Variants in PRDM2 observed in about 807,000 individuals in gnomAD.
The protein encoded by PRDM2 is PR domain zinc finger protein 2.
A neutral mutation model predicts 130.0 loss-of-function variants in PRDM2; 30 were observed. The observed-to-expected ratio is 0.23, with a 90% CI of 0.17 to 0.31. PRDM2 has a LOEUF of 0.31. PRDM2 is among the 10% of genes least tolerant of loss of function. PRDM2 has a pLI of 1.00. For missense variants in PRDM2, 2,011 were observed against 2,108.4 expected (o/e 0.95, Z 0.90); for synonymous variants, 871 against 782.4 (o/e 1.11, Z -1.89).
intron 3 of PRDM2, among the ~76,000 whole-genome samples, chr1:13,732,023 C>A (rs910155287): frequency 2.6e-5 from 4 of 152,138 alleles, no homozygotes; most frequent in Admixed American, 1.3e-4. Flanking sequence ...CTTTACCCCC[C>A]ATTCTGTATA....
chr1:13,741,363 C>T (rs1255557913), intron 4 of PRDM2, among the ~76,000 whole-genome samples: 1 of 152,148 alleles, frequency 6.6e-6, no homozygotes, highest in Non-Finnish European at 1.5e-5. Context: ...TCTATTCCAT[C>T]ACCCCTTCAT....
chr1:13,823,571 C>T lies in PRDM2; in HGVS notation c.*436C>T, dbSNP rs183959353. On this transcript the variant is annotated 3_prime_UTR_variant, in exon 10 of 10. Transcript: ENST00000311066. Reference sequence around the variant, plus strand: ...GACCCAGGGGTCAGCCTTAGGAAGGCCTTCAGGAGGAGGCCGAGTTCCCCT... The same window carrying T: ...GACCCAGGGGTCAGCCTTAGGAAGGTCTTCAGGAGGAGGCCGAGTTCCCCT... 260 of 187,772 alleles carry T rather than the reference C, an allele frequency of 1.4e-3. No individual in the cohort carries two copies. Among genetic ancestry groups the T allele is most frequent in the Non-Finnish European group, 2.5e-3 (228 of 90,524 alleles). 11.6% of individuals were successfully genotyped at this position (187,772 alleles called of 1,614,324 possible). A position where few individuals can be genotyped will look rare whatever the true frequency, so the allele number is the denominator to read the frequency against.
intron 8 of PRDM2, chr1:13,786,476 G>A: frequency 6.2e-7 from 1 of 1,605,852 alleles, no homozygotes; most frequent in Non-Finnish European, 8.5e-7. Context: ...GTAAGGTTAT[G>A]TTCTGTTGTC....
At chr1:13,818,959 G>A (rs911888323) in intron 9 of PRDM2, among the ~76,000 whole-genome samples, 2 of 152,136 alleles carry the variant, frequency 1.3e-5, no homozygotes, top group African/African-American at 4.8e-5. Context: ...TTTTACAGAT[G>A]GAAAAATTGA....
At position 13,773,181 on chromosome 1, in the gene PRDM2, T is replaced by C; in HGVS notation, c.615T>C (p.Ser205=). 2 of 1,546,874 alleles carry C rather than the reference T, an allele frequency of 1.3e-6. No homozygotes were observed. The highest frequency in any genetic ancestry group is 1.7e-6 in the Non-Finnish European group (2 of 1,147,844). Residue 205 remains serine (S), a synonymous_variant, in exon 7 of 10, where the codon TCT becomes TCC. Coordinates refer to ENST00000311066, the MANE Select transcript of PRDM2 (RefSeq NM_001393986.1). The part of the protein sequence containing the change: ...PDFTSANMRD[S]AEGPKEDEEK... ...TCACCTCTGCAAATATGAGAGATTC[T>C]GCAGAAGGTAAGCTTGTGATATTGG...
At chr1:13,741,720 TTG>T (rs200384633) in intron 4 of PRDM2, among the ~76,000 whole-genome samples, 2,766 of 112,496 alleles carry the variant, frequency 0.025, 46 homozygotes, top group Non-Finnish European at 0.03. Context: ...CTCTTTAAGT[TTG>T]TGTGTGTGTG....
At chr1:13,815,681 T>C (rs1645245492) in intron 8 of PRDM2, among the ~76,000 whole-genome samples, 1 of 152,128 alleles carries the variant, frequency 6.6e-6, no homozygotes, top group Non-Finnish European at 1.5e-5. Context: ...ACTAATGGTG[T>C]GAGTTATCTA....
intron 2 of PRDM2, among the ~76,000 whole-genome samples, chr1:13,716,940 C>CT (rs57528158): frequency 0.16 from 24,118 of 151,636 alleles, 2,400 homozygotes; most frequent in Admixed American, 0.23. Flanking sequence ...CTTTAGACAC[C>CT]TTTTTTTTCA....
chr1:13,732,937 G>T, intron 4 of PRDM2, 55 bp downstream of exon 4: 1 of 1,188,876 alleles, frequency 8.4e-7, no homozygotes, highest in Admixed American at 2.4e-5. Flanking sequence ...TAATTATTCT[G>T]TTCTCTCAGA....
chr1:13,727,888 T>A lies in PRDM2; in HGVS notation c.10-3112T>A, dbSNP rs539871617. Among the ~76,000 whole-genome samples the A allele has an allele frequency of 1.2e-3, 177 of 152,340 alleles. 3 individuals are homozygous for A. The South Asian group carries it at 0.036, about 31-fold the overall frequency. On this transcript the variant is annotated intron_variant, in intron 2 of 9. Transcript: ENST00000311066. ...AGATATGATATTACATCTTATCCTGTCAGGATATGTACCAAGAAGAGATCC... is the reference window on the plus strand; with the variant it reads ...AGATATGATATTACATCTTATCCTGACAGGATATGTACCAAGAAGAGATCC...
intron 5 of PRDM2, among the ~76,000 whole-genome samples, chr1:13,745,682 A>G (rs1643581318): frequency 6.6e-6 from 1 of 152,180 alleles, no homozygotes. Context: ...TCGGCCTCCC[A>G]AAATGCTGGG....
At chr1:13,741,724 G>GTGTT (rs1643448822) in intron 4 of PRDM2, among the ~76,000 whole-genome samples, 1 of 94,488 alleles carries the variant, frequency 1.1e-5, no homozygotes, top group Non-Finnish European at 2.8e-5. Context: ...TTAAGTTTGT[G>GTGTT]TGTGTGTGTG....
Position 13,739,373 on chromosome 1 carries a change from C to T in PRDM2, c.232-2632C>T, listed in dbSNP as rs141150078. On this transcript the variant is annotated intron_variant, in intron 4 of 9. Transcript: ENST00000311066. ...TATAAATGCTTTATTCAATCATCAA[C>T]GTATTGTGAATGCCTTTATGCTGAT... 3.4e-3 allele frequency among the ~76,000 whole-genome samples: 524 copies of T among 152,220 alleles called. 1 individual carries two copies. Among genetic ancestry groups the T allele is most frequent in the Admixed American group, 7.3e-3 (111 of 15,292 alleles).
chr1:13,741,720 TTGTGTGTGTG>T (rs200384633), intron 4 of PRDM2, among the ~76,000 whole-genome samples: 44 of 112,594 alleles, frequency 3.9e-4, no homozygotes, highest in East Asian at 3.0e-3. Context: ...CTCTTTAAGT[TTGTGTGTGTG>T]TGTGTGTGTG....
Position 13,803,076 on chromosome 1 carries a change from C to T in PRDM2, c.5037-13351C>T, listed in dbSNP as rs1297636411. 6.6e-6 allele frequency among the ~76,000 whole-genome samples: 1 copy of T among 152,184 alleles called. No individual in the cohort carries two copies. Among genetic ancestry groups the T allele is most frequent in the Non-Finnish European group, 1.5e-5 (1 of 68,030 alleles). On this transcript the variant is annotated intron_variant, in intron 8 of 9. Transcript: ENST00000311066. The surrounding 1 kb of genome is among the most constrained non-coding windows in gnomAD (Gnocchi z 6.2). ...AGGTGACATTCTCCAGACTTGAACC[C>T]CTGTGCTGAATGGAGTGGGGAAGGT...
rs3820012 is a variant in PRDM2 at position 13,823,643 on chromosome 1, C to T, written c.*508C>T. The stretch of plus-strand genomic sequence containing the variant: ...CACCTTCCCTCTCCCGGCAACATCT[C>T]TGGGAATCAACAGCATATTGACACG... On this transcript the variant is annotated 3_prime_UTR_variant, in exon 10 of 10. Transcript: ENST00000311066. The T allele has an allele frequency of 0.034, 5,525 of 160,690 alleles. 190 individuals carry two copies. The highest frequency in any genetic ancestry group is 0.13 in the South Asian group (722 of 5,354). The allele number at this position is 160,690 out of a possible 1,614,324, so 10.0% of individuals were successfully genotyped here. A position where few individuals can be genotyped will look rare whatever the true frequency, so the allele number is the denominator to read the frequency against.
intron 8 of PRDM2, chr1:13,786,563 A>G (rs1229179936): frequency 1.2e-6 from 2 of 1,606,338 alleles, no homozygotes; most frequent in Non-Finnish European, 1.7e-6. Flanking sequence ...TTAATTGACT[A>G]AAAAGTATTG....
rs1379680430 is a variant in PRDM2 at position 13,806,510 on chromosome 1, G to T, written c.5037-9917G>T. Among the ~76,000 whole-genome samples the T allele has an allele frequency of 6.6e-6, 1 of 152,062 alleles. No individual in the cohort carries two copies. Among genetic ancestry groups the T allele is most frequent in the Non-Finnish European group, 1.5e-5 (1 of 68,002 alleles). On this transcript the variant is annotated intron_variant, in intron 8 of 9. Transcript: ENST00000311066. This position sits in a 1 kb window ranked among gnomAD's most constrained non-coding sequence, Gnocchi z 4.1. ...CCTCTCCTGCTGTCCTCCCTATGTG[G>T]GATGAATGGAAACGGTCCTGCTTGG... is the stretch of plus-strand genomic sequence containing the variant.
chr1:13,819,012 G>GA (rs1049229572), intron 9 of PRDM2, among the ~76,000 whole-genome samples: 5 of 152,178 alleles, frequency 3.3e-5, no homozygotes, highest in Non-Finnish European at 5.9e-5. Flanking sequence ...GGGTCTTCTG[G>GA]AAAGTGAGAG....
Sources: allele counts gnomAD v4.1 joint callset (sites outside exome capture counted in the v4.1 genomes callset), GRCh38; gene constraint gnomAD v4.1.1; non-coding constraint Gnocchi (gnomAD v3.1); transcripts MANE v1.5; gene names NCBI Gene and HGNC (gene_info 2026-07-23, HGNC 2026-07-21).